The following PTPRD variants were observed in gnomAD, a reference collection of about 807,000 sequenced individuals.
The protein encoded by PTPRD is receptor-type tyrosine-protein phosphatase delta.
In PTPRD, 34 loss-of-function variants were observed where a neutral mutation model predicts 214.5. The observed-to-expected ratio is 0.16, with a 90% CI of 0.12 to 0.21. The LOEUF is 0.21. Ranked by LOEUF, PTPRD falls within the 10% of genes least tolerant of loss-of-function variation. PTPRD has a pLI of 1.00. For synonymous variants in PTPRD, 1,128 were observed against 845.7 expected (o/e 1.33, Z -5.79); for missense variants, 2,545 against 2,398.7 (o/e 1.06, Z -1.27).
intron 10 of PTPRD, among the ~76,000 whole-genome samples, chr9:9,181,489 C>T (rs2099928179): frequency 6.6e-6 from 1 of 151,822 alleles, no homozygotes; most frequent in African/African-American, 2.4e-5. Context: ...ATAAAAATAA[C>T]AATAATAACA....
intron 5 of PTPRD, among the ~76,000 whole-genome samples, chr9:9,809,533 G>A (rs538925530): frequency 6.6e-6 from 1 of 152,082 alleles, no homozygotes; most frequent in African/African-American, 2.4e-5. Flanking sequence ...CAAAGTGCTG[G>A]GATTACAGGC....
At chr9:10,049,576 A>G (rs2097487918) in intron 3 of PTPRD, among the ~76,000 whole-genome samples, 1 of 152,160 alleles carries the variant, frequency 6.6e-6, no homozygotes, top group South Asian at 2.1e-4. Flanking sequence ...TAATAAAGTT[A>G]TAAGGGAATC....
chr9:8,451,062 G>C (rs545043774), intron 33 of PTPRD, among the ~76,000 whole-genome samples: 1 of 152,154 alleles, frequency 6.6e-6, no homozygotes, highest in Non-Finnish European at 1.5e-5. Flanking sequence ...GTCGTTCTAT[G>C]GTTAGCCAGA....
At chr9:8,702,814 GGCCAGGCCAGTCTC>G (rs1375010178) in intron 12 of PTPRD, among the ~76,000 whole-genome samples, 2 of 152,236 alleles carry the variant, frequency 1.3e-5, no homozygotes, top group East Asian at 3.9e-4. Context: ...TCACCATGTT[GGCCAGGCCAGTCTC>G]AAACTCCTGA....
intron 7 of PTPRD, among the ~76,000 whole-genome samples, chr9:9,708,651 C>T (rs1035711184): frequency 1.3e-5 from 2 of 151,826 alleles, no homozygotes; most frequent in African/African-American, 4.8e-5. Flanking sequence ...AACTGTTTTA[C>T]TTTTACAGAC....
intron 12 of PTPRD, among the ~76,000 whole-genome samples, chr9:8,687,327 G>C (rs991538032): frequency 2.0e-5 from 3 of 152,150 alleles, no homozygotes; most frequent in Admixed American, 1.3e-4. Context: ...AACTCTGCCA[G>C]AAATTTATGA....
chr9:10,502,525 T>C (rs2044128829), intron 2 of PTPRD, among the ~76,000 whole-genome samples: 1 of 152,060 alleles, frequency 6.6e-6, no homozygotes, highest in Non-Finnish European at 1.5e-5. Flanking sequence ...TGATTAAAGG[T>C]CAGATGTTCT....
At chr9:9,770,180 C>T (rs1195222973) in intron 5 of PTPRD, among the ~76,000 whole-genome samples, 1 of 152,182 alleles carries the variant, frequency 6.6e-6, no homozygotes, top group Non-Finnish European at 1.5e-5. Flanking sequence ...TGAGGAATCG[C>T]CACACTGTCT....
rs528104580 is a variant in PTPRD at position 10,289,989 on chromosome 9, G to A, written c.-545+50974C>T. Among the ~76,000 whole-genome samples, 9 of 152,068 alleles carry A rather than the reference G, an allele frequency of 5.9e-5. No homozygotes were observed. The South Asian group carries it at 1.9e-3, about 32-fold the overall frequency. ...TTTGTTTCAGTGAAATTTAAAAGTT[G>A]GCATTTTGGTCAATTTGGATTTTTC... On this transcript the variant is annotated intron_variant, in intron 3 of 45. Transcript: ENST00000381196.
intron 3 of PTPRD, among the ~76,000 whole-genome samples, chr9:10,296,900 A>C (rs2095690805): frequency 6.6e-6 from 1 of 151,810 alleles, no homozygotes; most frequent in Non-Finnish European, 1.5e-5. Context: ...TCCTGAATTC[A>C]CTAGATTTAT....
chr9:8,323,279 A>C (rs12377530), intron 44 of PTPRD, among the ~76,000 whole-genome samples: 2,627 of 152,314 alleles, frequency 0.017, 48 homozygotes, highest in Non-Finnish European at 0.023. Flanking sequence ...TAATGTTCTC[A>C]TGCCTGTGAA....
At chr9:10,466,366 G>A (rs2098993343) in intron 2 of PTPRD, among the ~76,000 whole-genome samples, 1 of 152,130 alleles carries the variant, frequency 6.6e-6, no homozygotes, top group Non-Finnish European at 1.5e-5. Context: ...GCTGATGCCT[G>A]TAATCTCAGC....
chr9:8,369,729 T>G (rs2080962880), intron 39 of PTPRD, among the ~76,000 whole-genome samples: 1 of 152,050 alleles, frequency 6.6e-6, no homozygotes. Flanking sequence ...CCTTTTGTCT[T>G]AAAAAGAGTT....
chr9:9,600,306 C>A (rs1272265741), intron 7 of PTPRD, among the ~76,000 whole-genome samples: 1 of 152,020 alleles, frequency 6.6e-6, no homozygotes, highest in African/African-American at 2.4e-5. Context: ...AATGTACACA[C>A]CAGTATGTTT....
intron 37 of PTPRD, among the ~76,000 whole-genome samples, chr9:8,378,628 C>A (rs572919465): frequency 2.1e-4 from 32 of 152,100 alleles, no homozygotes; most frequent in Admixed American, 2.0e-3. Flanking sequence ...TGGAGAGCAA[C>A]CCTTTCGGTT....
chr9:8,419,864 C>T (rs984734988), intron 35 of PTPRD, among the ~76,000 whole-genome samples: 1 of 152,048 alleles, frequency 6.6e-6, no homozygotes, highest in Admixed American at 6.6e-5. Context: ...GTTTTCCCTA[C>T]AGCGGGTCCA....
At chr9:9,756,914 C>T (rs779901166) in intron 6 of PTPRD, among the ~76,000 whole-genome samples, 50 of 152,280 alleles carry the variant, frequency 3.3e-4, no homozygotes, top group Middle Eastern at 3.4e-3. Context: ...TGCTGAAAAA[C>T]ATGCTAGTCG....
At chr9:9,060,667 GA>G (rs910609612) in intron 10 of PTPRD, among the ~76,000 whole-genome samples, 1 of 151,330 alleles carries the variant, frequency 6.6e-6, no homozygotes, top group Non-Finnish European at 1.5e-5. Flanking sequence ...CAATCCAATA[GA>G]AAAAAAAGAG....
chr9:9,236,748 A>T (rs1233282887), intron 9 of PTPRD, among the ~76,000 whole-genome samples: 1 of 151,816 alleles, frequency 6.6e-6, no homozygotes, highest in African/African-American at 2.4e-5. Flanking sequence ...CATTTTGATT[A>T]TTTGGGCTTT....
Sources: allele counts gnomAD v4.1 joint callset (sites outside exome capture counted in the v4.1 genomes callset), GRCh38; gene constraint gnomAD v4.1.1; transcripts MANE v1.5; gene names NCBI Gene and HGNC (gene_info 2026-07-23, HGNC 2026-07-21).